MEG3: variants seen among roughly 807,000 people sequenced by gnomAD.
The protein encoded by MEG3 is Very putative protein from MEG3 locus.
chr14:100,857,233 A>T (rs1333704543), upstream of MEG3: 1 of 152,142 alleles, frequency 6.6e-6, no homozygotes, highest in African/African-American at 2.4e-5. Flanking sequence ...GTCTGATGCG[A>T]ATCTGTGTTT....
downstream of MEG3, chr14:100,833,727 A>G (rs2037465504): frequency 6.6e-6 from 1 of 152,122 alleles, no homozygotes; most frequent in Admixed American, 6.5e-5. Context: ...CAAGCTCTGG[A>G]CATTTCTCAC....
chr14:100,849,237 C>T (rs1037101935), intron 3 of MEG3: 6 of 152,114 alleles, frequency 3.9e-5, no homozygotes, highest in African/African-American at 1.4e-4. Flanking sequence ...AACTGGGTTC[C>T]TGAGATAGTT....
intron 2 of MEG3, among the ~76,000 whole-genome samples, chr14:100,842,516 C>T (rs1443574873): frequency 1.3e-5 from 2 of 152,196 alleles, no homozygotes; most frequent in African/African-American, 4.8e-5. Flanking sequence ...GAAATTAGCT[C>T]TGCAAAGAGC....
Position 100,845,557 on chromosome 14 carries a change from C to T in MEG3, n.3121+24C>T, listed in dbSNP as rs1368591315. 2 of 455,520 alleles carry T rather than the reference C, an allele frequency of 4.4e-6. No individual in the cohort carries two copies. The highest frequency in any genetic ancestry group is 4.7e-5 in the Admixed American group (2 of 42,498). 28.2% of individuals were successfully genotyped at this position (455,520 alleles called of 1,614,324 possible). A position where few individuals can be genotyped will look rare whatever the true frequency, so the allele number is the denominator to read the frequency against. On this transcript the variant is annotated intron_variant and non_coding_transcript_variant, in intron 3 of 3. Coordinates refer to the MEG3 transcript ENST00000398461. This position sits in a 1 kb window ranked among gnomAD's most constrained non-coding sequence, Gnocchi z 5.2. ...TCGTAAGTGGCTGGAGTGTAAAGAA[C>T]ACACATGTGGCCTTGCTGCTGAGGG...
rs1020665416 is a variant in MEG3 at position 100,845,699 on chromosome 14, C to T, written n.3121+166C>T. The T allele has an allele frequency of 7.6e-6, 2 of 262,604 alleles. No individual in the cohort carries two copies. The highest frequency in any genetic ancestry group is 5.2e-5 in the Admixed American group (1 of 19,080). The allele number at this position is 262,604 out of a possible 1,614,324, so 16.3% of individuals were successfully genotyped here. A position where few individuals can be genotyped will look rare whatever the true frequency, so the allele number is the denominator to read the frequency against. On this transcript the variant is annotated intron_variant and non_coding_transcript_variant, in intron 3 of 3. Transcript: ENST00000398461. This position sits in a 1 kb window ranked among gnomAD's most constrained non-coding sequence, Gnocchi z 5.2. ...CCCATCGAGTCAAGCCAAGTGCAGA[C>T]CTGGGGGCTCCTGTTTTCTAAGACA...
intron 1 of MEG3, among the ~76,000 whole-genome samples, chr14:100,828,096 G>A (rs2037295659): frequency 6.6e-6 from 1 of 152,026 alleles, no homozygotes; most frequent in African/African-American, 2.4e-5. Context: ...GACCTGGCGC[G>A]GTGGCCTGGG....
chr14:100,852,622 G>T, upstream of MEG3: 4 of 346,916 alleles, frequency 1.2e-5, no homozygotes, highest in South Asian at 8.6e-5. Flanking sequence ...AGGATGGGGC[G>T]GGAGGGGTTC....
intron 1 of MEG3, chr14:100,835,948 G>T (rs1245442130): frequency 6.1e-6 from 2 of 328,530 alleles, no homozygotes; most frequent in East Asian, 1.9e-4. Flanking sequence ...GCCCCGCCCG[G>T]TCCCTTGCTC....
At chr14:100,839,063 T>C (rs2037674704) in intron 2 of MEG3, among the ~76,000 whole-genome samples, 1 of 152,216 alleles carries the variant, frequency 6.6e-6, no homozygotes, top group Admixed American at 6.5e-5. Context: ...AGTGTGTTTT[T>C]TATGAGCAAT....
Position 100,845,785 on chromosome 14 carries a change from A to G in MEG3, n.3121+252A>G, listed in dbSNP as rs2037901929. 9.2e-6 allele frequency: 2 copies of G among 217,186 alleles called. No individual in the cohort carries two copies. Among genetic ancestry groups the G allele is most frequent in the Admixed American group, 5.4e-5 (1 of 18,502 alleles). The allele number at this position is 217,186 out of a possible 1,614,324, so 13.5% of individuals were successfully genotyped here. A position where few individuals can be genotyped will look rare whatever the true frequency, so the allele number is the denominator to read the frequency against. Reference sequence around the variant, plus strand: ...AAAGAATTCTATAGGCGGGCTTCAAATGTCGGACCCCAAAAGAATTTCTTC... The same window carrying G: ...AAAGAATTCTATAGGCGGGCTTCAAGTGTCGGACCCCAAAAGAATTTCTTC... On this transcript the variant is annotated intron_variant and non_coding_transcript_variant, in intron 3 of 3. Transcript: ENST00000398461. This position sits in a 1 kb window ranked among gnomAD's most constrained non-coding sequence, Gnocchi z 5.2.
At position 100,837,657 on chromosome 14, in the gene MEG3, G is replaced by A. The variant is rs148418788; in HGVS notation, n.3045+1357G>A. On this transcript the variant is annotated intron_variant and non_coding_transcript_variant, in intron 2 of 3. Coordinates refer to the MEG3 transcript ENST00000398461. This position sits in a 1 kb window ranked among gnomAD's most constrained non-coding sequence, Gnocchi z 5.8. Reference sequence around the variant, plus strand: ...CGCATCAGCCCTTGTGCAGGCCTCCGCCCTCCGCCACCCCCCACCCCCGGA... The same window carrying A: ...CGCATCAGCCCTTGTGCAGGCCTCCACCCTCCGCCACCCCCCACCCCCGGA... 0.012 allele frequency among the ~76,000 whole-genome samples: 1,893 copies of A among 152,104 alleles called. 19 individuals carry two copies. Among genetic ancestry groups the A allele is most frequent in the Non-Finnish European group, 0.02 (1,383 of 67,968 alleles).
At chr14:100,834,746 C>T (rs112191889) in exon 1 of MEG3, 14 of 456,474 alleles carry the variant, frequency 3.1e-5, no homozygotes, top group African/African-American at 8.0e-5. Context: ...ATGTTGGTTT[C>T]GCCAGGTGAG....
intron 2 of MEG3, among the ~76,000 whole-genome samples, chr14:100,840,739 G>A (rs987977530): frequency 1.3e-5 from 2 of 152,240 alleles, no homozygotes; most frequent in African/African-American, 4.8e-5. Context: ...GAGTGATTGA[G>A]CCTGTAAACA....
upstream of MEG3, chr14:100,856,411 C>G (rs770051971): frequency 6.5e-6 from 1 of 152,688 alleles, no homozygotes; most frequent in Non-Finnish European, 1.5e-5. Flanking sequence ...TGGACAAACT[C>G]GTGTGGTTTA....
At chr14:100,858,393 T>G (rs2038303099) in exon 1 of MEG3, 1 of 152,842 alleles carries the variant, frequency 6.5e-6, no homozygotes, top group African/African-American at 2.4e-5. Context: ...GTATTCCTTT[T>G]TCAGCCCTCG....
chr14:100,853,176 A>G (rs1312124379), upstream of MEG3: 1 of 152,186 alleles, frequency 6.6e-6, no homozygotes, highest in African/African-American at 2.4e-5. Context: ...GTCAGGGCCT[A>G]TCTTTATGTG....
rs1320612347 is a variant in MEG3, at chr14:100,845,797, AAAAGAATTTCTTCTTTTTCACTCTTCT to A, written n.3121+268_3121+294del. The A allele has an allele frequency of 4.7e-6, 1 of 214,794 alleles. No homozygotes were observed. Among genetic ancestry groups the A allele is most frequent in the African/African-American group, 2.4e-5 (1 of 42,528 alleles). 13.3% of individuals were successfully genotyped at this position (214,794 alleles called of 1,614,324 possible). ...AGGCGGGCTTCAAATGTCGGACCCC[AAAAGAATTTCTTCTTTTTCACTCTTCT>A]AAATGAATGGCTCTTTCATTATTGA... is the stretch of plus-strand genomic sequence containing the variant. On this transcript the variant is annotated intron_variant and non_coding_transcript_variant, in intron 3 of 3. Transcript: ENST00000398461. The surrounding 1 kb of genome is among the most constrained non-coding windows in gnomAD (Gnocchi z 5.2).
chr14:100,844,745 A>G (rs2037863415), intron 2 of MEG3, among the ~76,000 whole-genome samples: 1 of 152,208 alleles, frequency 6.6e-6, no homozygotes, highest in Admixed American at 6.5e-5. Context: ...ACCTTTTCTT[A>G]AAGCTTAACA....
intron 2 of MEG3, among the ~76,000 whole-genome samples, chr14:100,842,576 A>G (rs558052408): frequency 2.6e-5 from 4 of 152,320 alleles, no homozygotes; most frequent in Admixed American, 2.0e-4. Flanking sequence ...CTCAACAGGT[A>G]GGAAGTACGA....
Sources: gnomAD v4.1 joint callset for allele counts (sites outside exome capture counted in the v4.1 genomes callset) on GRCh38, gnomAD v4.1.1 for gene constraint, Gnocchi (gnomAD v3.1) non-coding constraint, MANE v1.5 for transcripts, NCBI Gene and HGNC (gene_info 2026-07-23, HGNC 2026-07-21) for gene names.